Variants in ZNF385D observed in about 807,000 individuals in gnomAD.
ZNF385D encodes zinc finger protein 659.
A neutral mutation model predicts 35.8 loss-of-function variants in ZNF385D; 15 were observed. The ratio of observed to expected loss-of-function variants is 0.42; its 90% CI spans 0.28 to 0.64. The LOEUF (loss-of-function observed/expected upper bound fraction) is 0.64. Among genes scored for constraint, ZNF385D ranks in the 30% least tolerant of loss-of-function variants. The pLI is 0.23. For synonymous variants in ZNF385D, 212 were observed against 186.8 expected (o/e 1.13, Z -1.10); for missense variants, 474 against 494.6 (o/e 0.96, Z 0.39).
chr3:21,968,601 T>C (rs1338650266), intron 3 of ZNF385D, among the ~76,000 whole-genome samples: 1 of 152,124 alleles, frequency 6.6e-6, no homozygotes, highest in Non-Finnish European at 1.5e-5. Flanking sequence ...ACTTTATTTC[T>C]AGACACACCC....
chr3:21,641,265 T>C (rs1381371327), intron 2 of ZNF385D, among the ~76,000 whole-genome samples: 1 of 151,862 alleles, frequency 6.6e-6, no homozygotes, highest in Admixed American at 6.6e-5. Context: ...AGTTGAGTGT[T>C]AAGGAGTACC....
chr3:22,107,829 G>A (rs769659273), intron 3 of ZNF385D, among the ~76,000 whole-genome samples: 5 of 151,836 alleles, frequency 3.3e-5, no homozygotes, highest in African/African-American at 4.8e-5. Flanking sequence ...ATTTATATAT[G>A]GAATGGCATG....
intron 2 of ZNF385D, among the ~76,000 whole-genome samples, chr3:22,237,600 T>G (rs1208308005): frequency 2.0e-5 from 3 of 152,192 alleles, no homozygotes; most frequent in African/African-American, 4.8e-5. Context: ...AACATTTACA[T>G]GTAGGTTTTC....
At chr3:21,828,977 C>T (rs1045604578) in intron 3 of ZNF385D, among the ~76,000 whole-genome samples, 1 of 152,110 alleles carries the variant, frequency 6.6e-6, no homozygotes, top group Non-Finnish European at 1.5e-5. Context: ...TTACAAGGAC[C>T]CTTAAGGAAG....
intron 1 of ZNF385D, among the ~76,000 whole-genome samples, chr3:21,745,579 T>A (rs2069729682): frequency 1.3e-5 from 2 of 152,250 alleles, no homozygotes; most frequent in Admixed American, 6.5e-5. Context: ...CCTCTTATGC[T>A]GTATTTTCTC....
intron 2 of ZNF385D, among the ~76,000 whole-genome samples, chr3:21,595,722 G>C (rs2064110783): frequency 6.7e-6 from 1 of 148,914 alleles, no homozygotes; most frequent in African/African-American, 2.4e-5. Flanking sequence ...GTTTTCAACA[G>C]AATCACATTT....
chr3:21,980,944 C>A (rs1022544965), intron 3 of ZNF385D, among the ~76,000 whole-genome samples: 1 of 152,154 alleles, frequency 6.6e-6, no homozygotes, highest in African/African-American at 2.4e-5. Flanking sequence ...ATATGTACCA[C>A]ATTTTCTTTA....
intron 2 of ZNF385D, among the ~76,000 whole-genome samples, chr3:22,210,025 T>C (rs1166197647): frequency 1.3e-5 from 2 of 151,794 alleles, no homozygotes; most frequent in Non-Finnish European, 2.9e-5. Flanking sequence ...TTCAATATCA[T>C]ATTTTGCCAT....
intron 3 of ZNF385D, among the ~76,000 whole-genome samples, chr3:21,779,510 AT>A (rs1255340283): frequency 3.3e-5 from 5 of 152,158 alleles, no homozygotes; most frequent in Non-Finnish European, 7.4e-5. Flanking sequence ...TAAAAAGGCA[AT>A]TCAAATATCT....
At chr3:22,256,236 CATATAT>C (rs141839193) in intron 2 of ZNF385D, among the ~76,000 whole-genome samples, 19,007 of 145,276 alleles carry the variant, frequency 0.13, 3,008 homozygotes, top group African/African-American at 0.38. Flanking sequence ...TATACACATA[CATATAT>C]ATATATATAT....
intron 3 of ZNF385D, among the ~76,000 whole-genome samples, chr3:21,791,426 T>C (rs921645059): frequency 7.2e-5 from 11 of 152,158 alleles, no homozygotes; most frequent in African/African-American, 2.7e-4. Flanking sequence ...GCAGGAGGTA[T>C]CCCAAAAATG....
chr3:21,704,138 G>A (rs1192196673), intron 1 of ZNF385D, among the ~76,000 whole-genome samples: 4 of 152,126 alleles, frequency 2.6e-5, no homozygotes, highest in Non-Finnish European at 5.9e-5. Flanking sequence ...GATTACTCTA[G>A]GGTTTTTGCT....
intron 3 of ZNF385D, among the ~76,000 whole-genome samples, chr3:21,814,176 T>A (rs993581310): frequency 6.6e-6 from 1 of 152,080 alleles, no homozygotes; most frequent in Non-Finnish European, 1.5e-5. Flanking sequence ...AACAGGCCTG[T>A]CTTGCAAGAG....
intron 3 of ZNF385D, among the ~76,000 whole-genome samples, chr3:22,136,912 G>C (rs1227365380): frequency 6.6e-6 from 1 of 152,064 alleles, no homozygotes; most frequent in Non-Finnish European, 1.5e-5. Flanking sequence ...AAAAGATGAA[G>C]GATTCTAGAG....
intron 4 of ZNF385D, among the ~76,000 whole-genome samples, chr3:21,509,861 C>G (rs1707069839): frequency 6.6e-6 from 1 of 152,188 alleles, no homozygotes; most frequent in Non-Finnish European, 1.5e-5. Flanking sequence ...TGCAGCATCC[C>G]CAGTCCTTGG....
At position 22,056,364 on chromosome 3, in the gene ZNF385D, C is replaced by T. The variant is rs116475438; in HGVS notation, c.325+112453G>A. On this transcript the variant is annotated intron_variant, in intron 3 of 5. Transcript: ENST00000494108. ...AGTAAGAATGGGATAAAATATAAAC[C>T]GTGTGTTAGTTTAGGGGCTGTCTAT... is the stretch of plus-strand genomic sequence containing the variant. Among the ~76,000 whole-genome samples, 515 of 149,372 alleles carry T rather than the reference C, an allele frequency of 3.4e-3. 6 individuals carry two copies. Among genetic ancestry groups the T allele is most frequent in the African/African-American group, 0.011 (456 of 40,258 alleles).
Position 21,626,404 on chromosome 3 carries a change from ATTAAAT to A in ZNF385D, c.165+38476_165+38481del, listed in dbSNP as rs542657188. Among the ~76,000 whole-genome samples the A allele has an allele frequency of 7.9e-5, 12 of 152,276 alleles. No homozygotes were observed. In the East Asian group the frequency reaches 2.3e-3, roughly 29 times the overall value. ...AACACAAATAGGAAAAATGATAGTCATTAAATTTAAGTAATAAAATGGCTTACTTAT... is the reference window on the plus strand; with the variant it reads ...AACACAAATAGGAAAAATGATAGTCATTAAGTAATAAAATGGCTTACTTAT... On this transcript the variant is annotated intron_variant, in intron 2 of 7. Transcript: ENST00000281523.
chr3:21,706,133 G>C (rs1483325139), intron 1 of ZNF385D, among the ~76,000 whole-genome samples: 1 of 152,130 alleles, frequency 6.6e-6, no homozygotes, highest in Non-Finnish European at 1.5e-5. Flanking sequence ...GACTAATAAT[G>C]ACTGTAAAAT....
chr3:21,894,368 A>T (rs543956005), intron 3 of ZNF385D, among the ~76,000 whole-genome samples: 5 of 152,192 alleles, frequency 3.3e-5, no homozygotes, highest in Admixed American at 6.5e-5. Context: ...TTAAAATATT[A>T]TATTGGCATA....
Sources: gnomAD v4.1 joint callset for allele counts (sites outside exome capture counted in the v4.1 genomes callset) on GRCh38, gnomAD v4.1.1 for gene constraint, MANE v1.5 for transcripts, NCBI Gene and HGNC (gene_info 2026-07-23, HGNC 2026-07-21) for gene names.